PTPRG: variants seen among roughly 807,000 people sequenced by gnomAD.
PTPRG encodes the protein protein tyrosine phosphatase receptor type G.
Under a neutral mutation model 165.3 loss-of-function variants are expected in PTPRG, and 102 were observed. That is an observed-to-expected ratio of 0.62 (90% CI 0.53 to 0.73). PTPRG has a LOEUF of 0.73. PTPRG is among the 30% of genes least tolerant of loss of function. PTPRG has a pLI of 0.00. For missense variants in PTPRG, 1,866 were observed against 1,861.4 expected, an observed-to-expected ratio of 1.00 and a Z score of -0.05; for synonymous variants, 675 against 669.5, an observed-to-expected ratio of 1.01 and a Z score of -0.13.
intron 2 of PTPRG, among the ~76,000 whole-genome samples, chr3:61,929,869 A>C (rs138260279): frequency 6.6e-6 from 1 of 152,158 alleles, no homozygotes; most frequent in Admixed American, 6.5e-5. Flanking sequence ...CCTTTATTTC[A>C]TTTGTACCAT....
intron 2 of PTPRG, among the ~76,000 whole-genome samples, chr3:61,897,142 G>C (rs2038378899): frequency 6.6e-6 from 1 of 151,824 alleles, no homozygotes; most frequent in African/African-American, 2.4e-5. Context: ...TAGTGTTCAG[G>C]TCTAAGAACA....
chr3:61,687,254 G>A (rs1304061415), intron 1 of PTPRG, among the ~76,000 whole-genome samples: 1 of 152,194 alleles, frequency 6.6e-6, no homozygotes, highest in East Asian at 1.9e-4. Flanking sequence ...TTTCTTTAGG[G>A]GGCCTTCAGT....
intron 5 of PTPRG, among the ~76,000 whole-genome samples, chr3:62,110,195 A>G (rs571186197): frequency 5.5e-5 from 7 of 127,610 alleles, no homozygotes; most frequent in African/African-American, 1.2e-4. Context: ...GCAATTCTTT[A>G]TATATTAAAT....
intron 1 of PTPRG, among the ~76,000 whole-genome samples, chr3:61,605,207 T>C (rs1700969467): frequency 6.6e-6 from 1 of 152,210 alleles, no homozygotes; most frequent in South Asian, 2.1e-4. Flanking sequence ...GAGGACTGTG[T>C]TAGGGGTGGG....
intron 1 of PTPRG, among the ~76,000 whole-genome samples, chr3:61,716,533 T>G (rs2031814651): frequency 6.6e-6 from 1 of 151,974 alleles, no homozygotes; most frequent in East Asian, 1.9e-4. Flanking sequence ...ATTACTCATC[T>G]TATGTGTCCC....
At chr3:61,917,394 C>T (rs778620483) in intron 2 of PTPRG, among the ~76,000 whole-genome samples, 2 of 152,152 alleles carry the variant, frequency 1.3e-5, no homozygotes, top group African/African-American at 2.4e-5. Flanking sequence ...GAACATGCCA[C>T]GTTGCCTGGC....
At chr3:62,165,841 CTGTT>C (rs893761814) in intron 7 of PTPRG, among the ~76,000 whole-genome samples, 1 of 152,120 alleles carries the variant, frequency 6.6e-6, no homozygotes, top group African/African-American at 2.4e-5. Context: ...AGAGGGCAGA[CTGTT>C]TGGAAGCAGG....
chr3:61,737,914 G>GT (rs376023066), intron 1 of PTPRG, among the ~76,000 whole-genome samples: 19,749 of 144,374 alleles, frequency 0.14, 1,976 homozygotes, highest in East Asian at 0.48. Flanking sequence ...AGGTTTTTTT[G>GT]TTTTTTTTTT....
intron 1 of PTPRG, among the ~76,000 whole-genome samples, chr3:61,727,452 C>T (rs950356921): frequency 1.3e-5 from 2 of 152,012 alleles, no homozygotes; most frequent in African/African-American, 2.4e-5. Context: ...GTGCCCGGCC[C>T]ATATCAAAAA....
intron 3 of PTPRG, among the ~76,000 whole-genome samples, chr3:61,994,534 C>T (rs1197651847): frequency 1.3e-5 from 2 of 152,052 alleles, no homozygotes; most frequent in South Asian, 2.1e-4. Flanking sequence ...CAAGAATCAA[C>T]GGGAGGGAAA....
intron 8 of PTPRG, among the ~76,000 whole-genome samples, chr3:62,175,696 G>A (rs17066243): frequency 0.078 from 11,898 of 152,176 alleles, 1,546 homozygotes; most frequent in African/African-American, 0.27. Flanking sequence ...AAATAAACAA[G>A]TCCACTGATG....
Position 62,201,515 on chromosome 3 carries a change from T to G in PTPRG, c.1338T>G (p.Thr446=), listed in dbSNP as rs747899530. 8 of 1,609,130 alleles carry G rather than the reference T, an allele frequency of 5.0e-6. No homozygotes were observed. Among genetic ancestry groups the G allele is most frequent in the Non-Finnish European group, 6.8e-6 (8 of 1,177,142 alleles). Residue 446 remains threonine, a synonymous_variant, in exon 11 of 30, where the codon ACT becomes ACG. Coordinates refer to ENST00000474889, the MANE Select transcript of PTPRG (RefSeq NM_002841.4). ...TTCTTTGTTTCTCAGCTAATACCAC[T>G]CGAATATTCCAAGGGACCAGAATAG... is the stretch of plus-strand genomic sequence containing the variant. The part of the protein sequence containing the change: ...SQTMLFQANT[T]RIFQGTRIVK...
At chr3:61,675,506 C>T (rs1213428646) in intron 1 of PTPRG, among the ~76,000 whole-genome samples, 1 of 152,188 alleles carries the variant, frequency 6.6e-6, no homozygotes, top group African/African-American at 2.4e-5. Flanking sequence ...ATTTTTCTCA[C>T]CCACAGGTAT....
At chr3:61,670,874 G>A (rs7639687) in intron 1 of PTPRG, among the ~76,000 whole-genome samples, 81,346 of 152,002 alleles carry the variant, frequency 0.54, 23,378 homozygotes, top group South Asian at 0.69. Flanking sequence ...TGTGACTATC[G>A]AAATCCCTGC....
At chr3:62,182,487 C>A (rs1211907349) in intron 8 of PTPRG, among the ~76,000 whole-genome samples, 1 of 152,176 alleles carries the variant, frequency 6.6e-6, no homozygotes, top group African/African-American at 2.4e-5. Context: ...CTCCTAAGGA[C>A]ACTCAAAACC....
chr3:61,885,477 C>T (rs1466201615), intron 2 of PTPRG, among the ~76,000 whole-genome samples: 1 of 151,274 alleles, frequency 6.6e-6, no homozygotes, highest in Non-Finnish European at 1.5e-5. Context: ...TATGTGCAGT[C>T]TTGCTATCCT....
At chr3:62,140,981 T>C (rs1703906861) in intron 6 of PTPRG, among the ~76,000 whole-genome samples, 1 of 151,712 alleles carries the variant, frequency 6.6e-6, no homozygotes, top group Non-Finnish European at 1.5e-5. Flanking sequence ...CCAGGTATAA[T>C]ATAAAAATTT....
intron 1 of PTPRG, among the ~76,000 whole-genome samples, chr3:61,670,977 T>C (rs1462741164): frequency 6.6e-6 from 1 of 151,910 alleles, no homozygotes; most frequent in Non-Finnish European, 1.5e-5. Flanking sequence ...CATGCTTAAG[T>C]TGGATTCGTT....
chr3:61,925,467 G>T (rs534713920), intron 2 of PTPRG, among the ~76,000 whole-genome samples: 43 of 152,300 alleles, frequency 2.8e-4, no homozygotes, highest in African/African-American at 9.4e-4. Context: ...GTCAGGGCTG[G>T]GTGCAGTGGC....
Sources: gnomAD v4.1 joint callset for allele counts (sites outside exome capture counted in the v4.1 genomes callset) on GRCh38, gnomAD v4.1.1 for gene constraint, MANE v1.5 for transcripts, NCBI Gene and HGNC (gene_info 2026-07-23, HGNC 2026-07-21) for gene names.